Variants in HDLBP observed in about 807,000 individuals in gnomAD.
HDLBP encodes vigilin.
In HDLBP, 30 loss-of-function variants were observed where a neutral mutation model predicts 137.3. That is an observed-to-expected ratio of 0.22 (90% CI 0.16 to 0.30). The LOEUF (loss-of-function observed/expected upper bound fraction) is 0.30, where lower values mean the gene tolerates loss of function less well. HDLBP is among the 10% of genes least tolerant of loss of function. The probability of loss-of-function intolerance (pLI) is 1.00; values close to 1 mark genes in which losing one functional copy is unlikely to be tolerated. For missense variants in HDLBP, 1,119 were observed against 1,667.3 expected, an observed-to-expected ratio of 0.67 and a Z score of 5.73; for synonymous variants, 606 against 596.0, an observed-to-expected ratio of 1.02 and a Z score of -0.24.
At chr2:241,248,648 T>G (rs1184618922) in intron 12 of HDLBP, among the ~76,000 whole-genome samples, 1 of 152,192 alleles carries the variant, frequency 6.6e-6, no homozygotes, top group East Asian at 1.9e-4. Context: ...GCTATCATGA[T>G]AGCAGTAATC....
chr2:241,287,944 G>T (rs72484048), intron 1 of HDLBP, among the ~76,000 whole-genome samples: 1,859 of 152,092 alleles, frequency 0.012, 31 homozygotes, highest in African/African-American at 0.043. Context: ...AAGACGGGAG[G>T]GAAGACCATG....
intron 4 of HDLBP, 22 bp downstream of exon 4, chr2:241,264,426 A>C: frequency 6.5e-7 from 1 of 1,545,660 alleles, no homozygotes; most frequent in Admixed American, 2.0e-5. Flanking sequence ...AAAATTTTTA[A>C]AAGAAAGAAT....
At chr2:241,262,970 G>C (rs532122130) in intron 4 of HDLBP, 44 bp from the exon 5 acceptor site, 1 of 1,462,036 alleles carries the variant, frequency 6.8e-7, no homozygotes, top group African/African-American at 1.4e-5. Context: ...GAGATTAAAA[G>C]AAGGCCAACA....
intron 12 of HDLBP, chr2:241,249,210 A>C (rs1423179856): frequency 1.2e-5 from 5 of 423,746 alleles, no homozygotes; most frequent in Non-Finnish European, 2.5e-5. Context: ...AGGTGAACAA[A>C]GAATCCCCTA....
In HDLBP at chr2:241,256,294, G is replaced by A. The variant is rs772471761; in HGVS notation, c.763C>T (p.Arg255Cys). Residue 255 changes from arginine to cysteine, a missense_variant, in exon 7 of 28, where the codon CGC becomes TGC. Arg to Cys is a radical substitution (Grantham distance 180, BLOSUM62 -3). Coordinates refer to ENST00000310931, the MANE Select transcript of HDLBP (RefSeq NM_005336.6). ...ACGCTGGGTGGGGGGATGTTGATGCGCGTGCCTGTCTCCTGCATGATCTCG... is the reference window on the plus strand; with the variant it reads ...ACGCTGGGTGGGGGGATGTTGATGCACGTGCCTGTCTCCTGCATGATCTCG... ...VGEIMQETGT[R>C]INIPPPSVNR... is the part of the protein sequence containing the mutation. 1.2e-6 allele frequency: 2 copies of A among 1,614,026 alleles called. No homozygotes were observed. The highest frequency in any genetic ancestry group is 1.7e-6 in the Non-Finnish European group (2 of 1,179,954).
intron 1 of HDLBP, among the ~76,000 whole-genome samples, chr2:241,277,116 C>T (rs2074418061): frequency 6.6e-6 from 1 of 151,962 alleles, no homozygotes; most frequent in Non-Finnish European, 1.5e-5. Context: ...TTCTAAGTAA[C>T]TCATGGAACA....
rs1290295171 is a variant in HDLBP at position 241,301,043 on chromosome 2, C to T, written c.-103+14527G>A. ...CCAGGCTGGAGTGCAGTGGTGCCAT[C>T]TCTGCTCACTGCAAGCTCCGCCTCC... On this transcript the variant is annotated intron_variant, in intron 1 of 27. Transcript: ENST00000310931. 2.0e-5 allele frequency among the ~76,000 whole-genome samples: 3 copies of T among 151,336 alleles called. 1 individual carries two copies. The South Asian group carries it at 6.2e-4, about 31-fold the overall frequency.
rs771059784 is a variant in HDLBP, at chr2:241,235,523, T to C, written c.2976A>G (p.Gly992=). ...DLHRYVIGQK[G]SGIRKMMDEF... ...CATCCATCATCTTGCGGATCCCACT[T>C]CCTTTCTGCCCAATAACGTAACGGT... is the stretch of plus-strand genomic sequence containing the variant. The change falls in exon 22 of 28, where the codon GGA becomes GGG. Residue 992 remains glycine (G), a synonymous_variant. Transcript: ENST00000310931. The C allele has an allele frequency of 1.2e-6, 2 of 1,614,110 alleles. No individual in the cohort carries two copies. Among genetic ancestry groups the C allele is most frequent in the Non-Finnish European group, 1.7e-6 (2 of 1,179,998 alleles).
In HDLBP at chr2:241,252,938, A is replaced by C; in HGVS notation, c.1372+19T>G. The C allele has an allele frequency of 6.3e-7, 1 of 1,584,494 alleles. No individual in the cohort carries two copies. The highest frequency in any genetic ancestry group is 8.7e-7 in the Non-Finnish European group (1 of 1,154,440). On this transcript the variant is annotated intron_variant, in intron 11 of 27. Coordinates refer to ENST00000310931, the MANE Select transcript of HDLBP (RefSeq NM_005336.6). ...TCTCAGGGCACACTGGCCCCACCGC[A>C]ACAGACAGCCTCACTCACTGTTGGC...
chr2:241,305,120 G>A lies in HDLBP; in HGVS notation c.-103+10450C>T, dbSNP rs79714613. ...TCCTGCAAGTGGCTTCACTCTACCA[G>A]GCTCTACTTTTTCATTTTTGAGACG... is the stretch of plus-strand genomic sequence containing the variant. On this transcript the variant is annotated intron_variant, in intron 1 of 27. Transcript: ENST00000310931. Among the ~76,000 whole-genome samples the A allele has an allele frequency of 2.0e-3, 311 of 152,276 alleles. 1 individual carries two copies. The highest frequency in any genetic ancestry group is 0.017 in the East Asian group (86 of 5,174).
chr2:241,275,142 G>T (rs962556752), intron 1 of HDLBP, among the ~76,000 whole-genome samples: 3 of 151,984 alleles, frequency 2.0e-5, no homozygotes, highest in African/African-American at 7.3e-5. Context: ...GGAACCCCTA[G>T]CCCAAACTGA....
intron 1 of HDLBP, among the ~76,000 whole-genome samples, chr2:241,303,499 T>C (rs1173955991): frequency 1.3e-5 from 2 of 152,192 alleles, no homozygotes; most frequent in African/African-American, 4.8e-5. Flanking sequence ...ACAAGAACAC[T>C]TGGCTGCCTC....
intron 1 of HDLBP, among the ~76,000 whole-genome samples, chr2:241,280,806 G>C (rs1157567417): frequency 1.3e-5 from 2 of 152,148 alleles, no homozygotes; most frequent in African/African-American, 4.8e-5. Flanking sequence ...TTGTTAAAAA[G>C]ATCAAGGAAA....
At chr2:241,311,974 A>T (rs946721351) in intron 1 of HDLBP, among the ~76,000 whole-genome samples, 10 of 152,226 alleles carry the variant, frequency 6.6e-5, no homozygotes, top group African/African-American at 2.4e-4. Flanking sequence ...ACAGACGTCA[A>T]GCAAATATGC....
intron 1 of HDLBP, among the ~76,000 whole-genome samples, chr2:241,294,072 T>C (rs931596453): frequency 6.6e-6 from 1 of 152,218 alleles, no homozygotes; most frequent in African/African-American, 2.4e-5. Context: ...TGATACAATA[T>C]TATCTTTGCC....
At position 241,272,105 on chromosome 2, in the gene HDLBP, G is replaced by A; in HGVS notation, c.-102-3564C>T. The A allele has an allele frequency of 1.3e-6, 1 of 761,058 alleles. No individual in the cohort carries two copies. Among genetic ancestry groups the A allele is most frequent in the Non-Finnish European group, 1.6e-6 (1 of 624,658 alleles). The allele number at this position is 761,058 out of a possible 1,614,324, so 47.1% of individuals were successfully genotyped here. ...TAATGTATTTTTCATCCACGACCCT[G>A]GGGCACGTCCAAGTTGCACTCCAGG... On this transcript the variant is annotated intron_variant, in intron 1 of 27. Transcript: ENST00000310931. This position sits in a 1 kb window ranked among gnomAD's most constrained non-coding sequence, Gnocchi z 5.6.
At chr2:241,254,546 G>A (rs1184709174) in intron 9 of HDLBP, among the ~76,000 whole-genome samples, 2 of 150,256 alleles carry the variant, frequency 1.3e-5, no homozygotes, top group Admixed American at 1.3e-4. Flanking sequence ...ATGCAGTGGT[G>A]CCATCTCGGC....
intron 5 of HDLBP, among the ~76,000 whole-genome samples, chr2:241,258,088 T>C (rs1574943655): frequency 1.3e-5 from 2 of 151,958 alleles, no homozygotes; most frequent in Admixed American, 1.3e-4. Context: ...ACCTGACTTC[T>C]ACAAAAATTT....
chr2:241,253,173 C>T, intron 10 of HDLBP, 138 bp from the exon 11 acceptor site: 2 of 675,546 alleles, frequency 3.0e-6, no homozygotes, highest in East Asian at 2.7e-5. Context: ...CCTGCATCTC[C>T]CCTGAAAGAT....
Sources: gnomAD v4.1 joint callset for allele counts (sites outside exome capture counted in the v4.1 genomes callset) on GRCh38, gnomAD v4.1.1 for gene constraint, Gnocchi (gnomAD v3.1) non-coding constraint, MANE v1.5 for transcripts, NCBI Gene and HGNC (gene_info 2026-07-23, HGNC 2026-07-21) for gene names.